The following CAMKMT variants were observed in gnomAD, a reference collection of about 807,000 sequenced individuals.
CAMKMT encodes the protein calmodulin-lysine N-methyltransferase, also known as CaM KMT.
In CAMKMT, 53 loss-of-function variants were observed where a neutral mutation model predicts 48.0. That is an observed-to-expected ratio of 1.10 (90% CI 0.89 to 1.39). CAMKMT has a LOEUF of 1.39. Ranked by LOEUF, CAMKMT falls within the 40% of genes most tolerant of loss-of-function variation. The pLI, the probability that CAMKMT is intolerant of heterozygous loss-of-function variation, is 0.00. For synonymous variants in CAMKMT, 165 were observed against 152.3 expected, an observed-to-expected ratio of 1.08 and a Z score of -0.61; for missense variants, 428 against 402.7, an observed-to-expected ratio of 1.06 and a Z score of -0.54.
At chr2:44,539,030 G>T (rs1055463065) in intron 3 of CAMKMT, among the ~76,000 whole-genome samples, 1 of 149,746 alleles carries the variant, frequency 6.7e-6, no homozygotes, top group South Asian at 2.1e-4. Context: ...TCGGCTAGGC[G>T]CAGTGGCTCA....
At chr2:44,640,463 T>C (rs1206022903) in intron 3 of CAMKMT, among the ~76,000 whole-genome samples, 1 of 152,192 alleles carries the variant, frequency 6.6e-6, no homozygotes, top group Non-Finnish European at 1.5e-5. Flanking sequence ...GGCTTTGGAA[T>C]TATGCTGCCT....
intron 3 of CAMKMT, among the ~76,000 whole-genome samples, chr2:44,526,729 A>C (rs897086918): frequency 2.0e-5 from 3 of 152,114 alleles, no homozygotes; most frequent in Non-Finnish European, 4.4e-5. Context: ...TTTACAGTCT[A>C]CTGATTCAAA....
intron 3 of CAMKMT, among the ~76,000 whole-genome samples, chr2:44,398,567 CTTT>C (rs10711902): frequency 4.0e-5 from 5 of 125,814 alleles, no homozygotes; most frequent in Non-Finnish European, 5.2e-5. Flanking sequence ...CTTTTCTTTT[CTTT>C]TTTTTTTTTT....
chr2:44,433,823 T>C (rs1300722491), intron 3 of CAMKMT, among the ~76,000 whole-genome samples: 14 of 152,222 alleles, frequency 9.2e-5, no homozygotes, highest in Non-Finnish European at 4.4e-5. Context: ...TTTTCCTCAA[T>C]TTAAGAGAAA....
At chr2:44,609,375 C>A (rs1671472149) in intron 3 of CAMKMT, among the ~76,000 whole-genome samples, 1 of 152,038 alleles carries the variant, frequency 6.6e-6, no homozygotes. Context: ...AAAATGATAA[C>A]CATGTGAGGT....
intron 2 of CAMKMT, among the ~76,000 whole-genome samples, chr2:44,376,452 G>C (rs1338513791): frequency 6.6e-6 from 1 of 150,804 alleles, no homozygotes; most frequent in African/African-American, 2.4e-5. Flanking sequence ...CACTGGGGAT[G>C]TTACAAGTTC....
intron 3 of CAMKMT, among the ~76,000 whole-genome samples, chr2:44,599,070 T>C (rs1670834760): frequency 6.6e-6 from 1 of 152,218 alleles, no homozygotes; most frequent in East Asian, 1.9e-4. Flanking sequence ...ATATTTTCTG[T>C]GGATGTTGAC....
intron 3 of CAMKMT, among the ~76,000 whole-genome samples, chr2:44,509,473 C>A (rs1670428782): frequency 6.6e-6 from 1 of 151,970 alleles, no homozygotes; most frequent in Non-Finnish European, 1.5e-5. Context: ...CCATGCCTGG[C>A]CAATTTTTTG....
chr2:44,372,671 A>T, intron 1 of CAMKMT, 45 bp from the exon 2 acceptor site: 1 of 1,552,646 alleles, frequency 6.4e-7, no homozygotes, highest in Non-Finnish European at 8.7e-7. Context: ...TAAACTTACT[A>T]TATGTTTAGA....
At chr2:44,601,801 C>G (rs1237684349) in intron 3 of CAMKMT, among the ~76,000 whole-genome samples, 1 of 151,704 alleles carries the variant, frequency 6.6e-6, no homozygotes, top group Non-Finnish European at 1.5e-5. Flanking sequence ...CTCTTAATTA[C>G]TTTTTAATTT....
intron 3 of CAMKMT, among the ~76,000 whole-genome samples, chr2:44,463,794 C>T (rs112924093): frequency 1.3e-5 from 2 of 152,114 alleles, no homozygotes; most frequent in African/African-American, 4.8e-5. Context: ...ATACATCTCC[C>T]CATAAAAGGA....
chr2:44,718,145 G>A (rs901887165), intron 7 of CAMKMT, among the ~76,000 whole-genome samples: 17 of 152,110 alleles, frequency 1.1e-4, no homozygotes, highest in African/African-American at 3.6e-4. Flanking sequence ...AGGCTCTGAC[G>A]CTGAACCTTC....
intron 3 of CAMKMT, among the ~76,000 whole-genome samples, chr2:44,461,797 A>G (rs1313643443): frequency 1.3e-5 from 2 of 152,208 alleles, no homozygotes; most frequent in African/African-American, 2.4e-5. Context: ...TTCCAGTGCT[A>G]GTTAGAATGA....
At chr2:44,443,108 A>G (rs966794245) in intron 3 of CAMKMT, among the ~76,000 whole-genome samples, 1 of 152,242 alleles carries the variant, frequency 6.6e-6, no homozygotes, top group Non-Finnish European at 1.5e-5. Flanking sequence ...GGAAAAGTCT[A>G]TGAATAAATA....
At chr2:44,515,899 A>C (rs1470238762) in intron 3 of CAMKMT, among the ~76,000 whole-genome samples, 1 of 152,206 alleles carries the variant, frequency 6.6e-6, no homozygotes, top group African/African-American at 2.4e-5. Context: ...GGATACATCA[A>C]ATGGGGAGAG....
chr2:44,641,316 C>G (rs902591588), intron 3 of CAMKMT, among the ~76,000 whole-genome samples: 2 of 152,032 alleles, frequency 1.3e-5, no homozygotes, highest in Non-Finnish European at 2.9e-5. Context: ...AAGCTCCTTT[C>G]AAAGAATTAT....
intron 3 of CAMKMT, among the ~76,000 whole-genome samples, chr2:44,645,935 A>C (rs1397897516): frequency 6.6e-6 from 1 of 152,224 alleles, no homozygotes. Context: ...AAAAGAAATT[A>C]TCTTTGCTCA....
intron 3 of CAMKMT, among the ~76,000 whole-genome samples, chr2:44,556,065 G>A (rs1324448451): frequency 6.6e-6 from 1 of 152,098 alleles, no homozygotes; most frequent in Non-Finnish European, 1.5e-5. Context: ...ACCTGTCTGT[G>A]TTATAGGTAG....
chr2:44,492,256 C>G lies in CAMKMT; in HGVS notation c.376+101951C>G, dbSNP rs1024527963. ...CTAACATTTAAAATGTTAGGAGAAG[C>G]AGATCATATTTGAAAATGAAATTTA... On this transcript the variant is annotated intron_variant, in intron 3 of 10. Coordinates refer to ENST00000378494, the MANE Select transcript of CAMKMT (RefSeq NM_024766.5). Among the ~76,000 whole-genome samples the G allele has an allele frequency of 9.2e-5, 14 of 151,990 alleles. No homozygotes were observed. In the South Asian group the frequency reaches 2.5e-3, roughly 27 times the overall value.
Sources: gnomAD v4.1 joint callset for allele counts (sites outside exome capture counted in the v4.1 genomes callset) on GRCh38, gnomAD v4.1.1 for gene constraint, MANE v1.5 for transcripts, NCBI Gene and HGNC (gene_info 2026-07-23, HGNC 2026-07-21) for gene names.